Variants in CLSTN2 observed in about 807,000 individuals in gnomAD.
CLSTN2 encodes the protein calsyntenin-2.
CLSTN2 carries 48 observed loss-of-function variants against 101.2 expected under a neutral mutation model. The ratio of observed to expected loss-of-function variants is 0.47; its 90% confidence interval spans 0.38 to 0.60. CLSTN2 has a LOEUF of 0.60. Among genes scored for constraint, CLSTN2 ranks in the 20% least tolerant of loss-of-function variants. The pLI, the probability that CLSTN2 is intolerant of heterozygous loss-of-function variation, is 0.00. For missense variants in CLSTN2, 1,160 were observed against 1,238.2 expected, an observed-to-expected ratio of 0.94 and a Z score of 0.95; for synonymous variants, 481 against 463.6, an observed-to-expected ratio of 1.04 and a Z score of -0.48.
intron 2 of CLSTN2, among the ~76,000 whole-genome samples, chr3:140,260,135 A>AATATAT (rs35851668): frequency 3.5e-5 from 5 of 141,130 alleles, no homozygotes; most frequent in East Asian, 2.0e-4. Context: ...GTGAAAAAGA[A>AATATAT]ATATATATAT....
At chr3:140,274,364 G>C (rs2086774241) in intron 2 of CLSTN2, among the ~76,000 whole-genome samples, 1 of 152,164 alleles carries the variant, frequency 6.6e-6, no homozygotes, top group Non-Finnish European at 1.5e-5. Flanking sequence ...GGCTGGACCA[G>C]CTCCCCAAAA....
intron 1 of CLSTN2, among the ~76,000 whole-genome samples, chr3:140,039,894 A>G (rs12107122): frequency 0.047 from 7,213 of 152,280 alleles, 532 homozygotes; most frequent in African/African-American, 0.15. Context: ...GACAGTAACA[A>G]CTTCTAAGTA....
Position 139,938,094 on chromosome 3 carries a change from T to C in CLSTN2, c.109+2611T>C, listed in dbSNP as rs1935059636. ...TGTTTTGTGTATAATGCACCCTGCC[T>C]CTGACTTTGCCATTTTTAAGGTTCA... is the stretch of plus-strand genomic sequence containing the variant. On this transcript the variant is annotated intron_variant, in intron 1 of 16. Transcript: ENST00000458420. Among the ~76,000 whole-genome samples the C allele has an allele frequency of 2.7e-5, 4 of 147,926 alleles. No homozygotes were observed. The South Asian group carries it at 8.7e-4, about 32-fold the overall frequency.
chr3:140,174,081 C>T (rs866477696), intron 1 of CLSTN2, among the ~76,000 whole-genome samples: 5 of 152,174 alleles, frequency 3.3e-5, no homozygotes, highest in South Asian at 2.1e-4. Context: ...ATTTTTCAAA[C>T]TTATCTGCTC....
chr3:140,317,487 A>G (rs1157701379), intron 2 of CLSTN2, among the ~76,000 whole-genome samples: 1 of 152,022 alleles, frequency 6.6e-6, no homozygotes, highest in East Asian at 1.9e-4. Context: ...CCTTCTGTAA[A>G]AGTTCCTACA....
At chr3:140,107,467 G>T (rs1042940686) in intron 1 of CLSTN2, among the ~76,000 whole-genome samples, 1 of 152,114 alleles carries the variant, frequency 6.6e-6, no homozygotes, top group African/African-American at 2.4e-5. Context: ...TTCAGGGAAG[G>T]GGTTTCCTGT....
chr3:140,457,106 C>T (rs935190080), intron 6 of CLSTN2, among the ~76,000 whole-genome samples: 6 of 152,202 alleles, frequency 3.9e-5, no homozygotes, highest in African/African-American at 1.4e-4. Flanking sequence ...GTTTCAAGCC[C>T]TGCTAGACCC....
At chr3:140,178,292 G>T (rs2010355242) in intron 2 of CLSTN2, among the ~76,000 whole-genome samples, 1 of 152,098 alleles carries the variant, frequency 6.6e-6, no homozygotes, top group Non-Finnish European at 1.5e-5. Flanking sequence ...CTTACAAAAG[G>T]TTATTTAAGT....
intron 2 of CLSTN2, among the ~76,000 whole-genome samples, chr3:140,184,451 A>G (rs1431012565): frequency 6.6e-6 from 1 of 152,162 alleles, no homozygotes; most frequent in Non-Finnish European, 1.5e-5. Context: ...TGAAACCATC[A>G]GATCTCATGA....
At chr3:140,519,685 G>C (rs75780248) in intron 8 of CLSTN2, among the ~76,000 whole-genome samples, 2,837 of 150,904 alleles carry the variant, frequency 0.019, 41 homozygotes, top group Middle Eastern at 0.058. Context: ...CCATTCCTTT[G>C]TTTTGAGCCT....
chr3:140,407,042 G>A (rs1324842015), intron 4 of CLSTN2, among the ~76,000 whole-genome samples: 1 of 152,212 alleles, frequency 6.6e-6, no homozygotes, highest in Non-Finnish European at 1.5e-5. Context: ...AGATGAAGAG[G>A]AGAATGGGCC....
rs182354343 is a variant in CLSTN2, at chr3:140,264,473, C to T, written c.232+88400C>T. Among the ~76,000 whole-genome samples, 222 of 136,088 alleles carry T rather than the reference C, an allele frequency of 1.6e-3. No individual in the cohort carries two copies. The Middle Eastern group carries it at 0.033, about 20-fold the overall frequency. 89.3% of individuals were successfully genotyped at this position (136,088 alleles called of 152,430 possible). ...AGGAACACACATAATGCAACAGTGA[C>T]ATAAAACAAGGTATATAATGATCGG... On this transcript the variant is annotated intron_variant, in intron 2 of 16. Coordinates refer to ENST00000458420, the MANE Select transcript of CLSTN2 (RefSeq NM_022131.3).
intron 1 of CLSTN2, among the ~76,000 whole-genome samples, chr3:140,041,435 T>C (rs889241385): frequency 1.3e-5 from 2 of 152,186 alleles, no homozygotes; most frequent in East Asian, 3.9e-4. Flanking sequence ...CAGGTTCACC[T>C]TACCAAAGAC....
chr3:140,558,337 G>GCTAT (rs1051866385), intron 11 of CLSTN2, among the ~76,000 whole-genome samples: 1 of 152,178 alleles, frequency 6.6e-6, no homozygotes, highest in Non-Finnish European at 1.5e-5. Flanking sequence ...ACAAGCAGTT[G>GCTAT]CTATCTAATT....
chr3:139,996,519 C>T (rs929566310), intron 1 of CLSTN2, among the ~76,000 whole-genome samples: 3 of 152,020 alleles, frequency 2.0e-5, no homozygotes, highest in South Asian at 2.1e-4. Flanking sequence ...CCCAAGTAGC[C>T]GGGACTACAG....
At chr3:140,256,737 C>T (rs2086607317) in intron 2 of CLSTN2, among the ~76,000 whole-genome samples, 1 of 152,184 alleles carries the variant, frequency 6.6e-6, no homozygotes, top group Non-Finnish European at 1.5e-5. Context: ...CTGATTGAGA[C>T]TTCTATTTGA....
chr3:139,967,343 G>T (rs146700621), intron 1 of CLSTN2, among the ~76,000 whole-genome samples: 8 of 152,312 alleles, frequency 5.3e-5, no homozygotes, highest in African/African-American at 1.9e-4. Flanking sequence ...ACCCACTAAG[G>T]TGTGATTGAT....
chr3:140,170,533 G>T (rs950505628), intron 1 of CLSTN2, among the ~76,000 whole-genome samples: 1 of 152,112 alleles, frequency 6.6e-6, no homozygotes, highest in Non-Finnish European at 1.5e-5. Flanking sequence ...TTTCCCAAAG[G>T]GGTTGTTGTG....
chr3:140,173,555 C>T (rs1353937284), intron 1 of CLSTN2, among the ~76,000 whole-genome samples: 1 of 152,226 alleles, frequency 6.6e-6, no homozygotes, highest in African/African-American at 2.4e-5. Context: ...GGGGCTCCGA[C>T]CCCACATTTC....
Sources: gnomAD v4.1 joint callset for allele counts (sites outside exome capture counted in the v4.1 genomes callset) on GRCh38, gnomAD v4.1.1 for gene constraint, MANE v1.5 for transcripts, NCBI Gene and HGNC (gene_info 2026-07-23, HGNC 2026-07-21) for gene names.